The following LRRTM4 variants were observed in gnomAD, a reference collection of about 807,000 sequenced individuals.
LRRTM4 encodes leucine-rich repeat transmembrane neuronal protein 4.
Under a neutral mutation model 47.6 loss-of-function variants are expected in LRRTM4, and 25 were observed. That is an observed-to-expected ratio of 0.53 (90% CI 0.38 to 0.73). LRRTM4 has a LOEUF of 0.73. LRRTM4 is among the 30% of genes least tolerant of loss of function. LRRTM4 has a pLI of 0.00. For missense variants in LRRTM4, 638 were observed against 713.4 expected, an observed-to-expected ratio of 0.89 and a Z score of 1.20; for synonymous variants, 311 against 269.5, an observed-to-expected ratio of 1.15 and a Z score of -1.51.
At chr2:77,279,553 T>C (rs1676452190) in intron 3 of LRRTM4, among the ~76,000 whole-genome samples, 1 of 151,976 alleles carries the variant, frequency 6.6e-6, no homozygotes, top group Non-Finnish European at 1.5e-5. Flanking sequence ...TTTCTTATTC[T>C]AGGTATTATA....
At chr2:77,394,738 G>A (rs938695766) in intron 3 of LRRTM4, among the ~76,000 whole-genome samples, 2 of 152,000 alleles carry the variant, frequency 1.3e-5, no homozygotes, top group Non-Finnish European at 2.9e-5. Flanking sequence ...GAGACTTAAT[G>A]TTTAAATATA....
At chr2:76,999,091 G>A (rs1278270033) in intron 3 of LRRTM4, among the ~76,000 whole-genome samples, 1 of 151,996 alleles carries the variant, frequency 6.6e-6, no homozygotes, top group Non-Finnish European at 1.5e-5. Flanking sequence ...CTGTTGTTGT[G>A]TGTGTGTTGG....
chr2:76,802,024 G>C (rs777854265), intron 3 of LRRTM4, among the ~76,000 whole-genome samples: 3 of 152,012 alleles, frequency 2.0e-5, no homozygotes, highest in Admixed American at 6.6e-5. Context: ...CATATTCAAC[G>C]GTGAAAAGTG....
intron 3 of LRRTM4, among the ~76,000 whole-genome samples, chr2:77,014,768 T>C (rs931432656): frequency 6.6e-6 from 1 of 152,054 alleles, no homozygotes; most frequent in East Asian, 1.9e-4. Flanking sequence ...GTGGAGATTG[T>C]GCCACTGTAC....
chr2:77,343,090 T>A (rs1308086453), intron 3 of LRRTM4, among the ~76,000 whole-genome samples: 6 of 151,984 alleles, frequency 3.9e-5, no homozygotes, highest in African/African-American at 1.4e-4. Flanking sequence ...CAGTCATCAT[T>A]GAAGCCACTT....
At position 76,966,126 on chromosome 2, in the gene LRRTM4, A is replaced by T. The variant is rs1212828986; in HGVS notation, c.1552-217210T>A. ...AAGCATAGGCTATAATTCCCAAACC[A>T]ACTCCCCTAACAGGTTTTATAGTAA... is the stretch of plus-strand genomic sequence containing the variant. On this transcript the variant is annotated intron_variant, in intron 3 of 3. Transcript: ENST00000409884. Among the ~76,000 whole-genome samples, 5 of 151,580 alleles carry T rather than the reference A, an allele frequency of 3.3e-5. No individual in the cohort carries two copies. The East Asian group carries it at 9.7e-4, about 30-fold the overall frequency.
At chr2:77,247,907 A>T (rs1675492690) in intron 3 of LRRTM4, among the ~76,000 whole-genome samples, 1 of 150,892 alleles carries the variant, frequency 6.6e-6, no homozygotes, top group African/African-American at 2.4e-5. Context: ...TATATTAATG[A>T]TGTTTAATAA....
chr2:77,339,890 G>T (rs914775843), intron 3 of LRRTM4, among the ~76,000 whole-genome samples: 1 of 151,878 alleles, frequency 6.6e-6, no homozygotes, highest in Admixed American at 6.6e-5. Context: ...CCTCTGCAAT[G>T]CATGTTGCTT....
At chr2:76,749,178 A>G (rs1409296186) in intron 3 of LRRTM4, among the ~76,000 whole-genome samples, 1 of 152,182 alleles carries the variant, frequency 6.6e-6, no homozygotes, top group Non-Finnish European at 1.5e-5. Context: ...AGCCATTGCA[A>G]TAACAGAAAG....
At chr2:77,130,920 C>T (rs1303340316) in intron 3 of LRRTM4, among the ~76,000 whole-genome samples, 4 of 131,392 alleles carry the variant, frequency 3.0e-5, no homozygotes, top group Non-Finnish European at 4.7e-5. Context: ...CTGCAAGCTC[C>T]GCCTCCCGGG....
intron 3 of LRRTM4, among the ~76,000 whole-genome samples, chr2:77,311,083 T>C (rs1254940363): frequency 6.6e-6 from 1 of 152,114 alleles, no homozygotes; most frequent in Non-Finnish European, 1.5e-5. Flanking sequence ...TCATTTGACC[T>C]AAAATAGACT....
intron 3 of LRRTM4, among the ~76,000 whole-genome samples, chr2:77,104,651 G>C (rs1671044167): frequency 3.3e-5 from 5 of 152,162 alleles, no homozygotes; most frequent in Admixed American, 3.3e-4. Flanking sequence ...AGATCCGACA[G>C]ACCTGAATAT....
intron 3 of LRRTM4, among the ~76,000 whole-genome samples, chr2:76,996,676 G>C (rs1169540999): frequency 6.6e-6 from 1 of 152,020 alleles, no homozygotes; most frequent in Non-Finnish European, 1.5e-5. Context: ...TAGGATGTTG[G>C]GAGGAAAATA....
At chr2:76,908,524 A>T (rs1194421843) in intron 3 of LRRTM4, among the ~76,000 whole-genome samples, 1 of 152,002 alleles carries the variant, frequency 6.6e-6, no homozygotes, top group Non-Finnish European at 1.5e-5. Flanking sequence ...AATAAAGGGT[A>T]TTCAATTAAG....
At chr2:76,794,304 G>T (rs1675140062) in intron 3 of LRRTM4, among the ~76,000 whole-genome samples, 1 of 152,168 alleles carries the variant, frequency 6.6e-6, no homozygotes, top group Non-Finnish European at 1.5e-5. Flanking sequence ...ACAAATATCT[G>T]CATTAGTATG....
chr2:77,023,723 C>A (rs1678353980), intron 3 of LRRTM4, among the ~76,000 whole-genome samples: 2 of 152,116 alleles, frequency 1.3e-5, no homozygotes, highest in Admixed American at 6.6e-5. Context: ...GCCACCTCAA[C>A]CAGCATTTTG....
At chr2:77,514,178 G>A (rs1233133603) in intron 3 of LRRTM4, among the ~76,000 whole-genome samples, 3 of 151,876 alleles carry the variant, frequency 2.0e-5, no homozygotes, top group South Asian at 4.2e-4. Context: ...CCATGACACA[G>A]TTGTAGTCAG....
intron 3 of LRRTM4, among the ~76,000 whole-genome samples, chr2:76,797,392 A>ATACTT (rs1172911913): frequency 2.6e-5 from 4 of 152,134 alleles, no homozygotes; most frequent in East Asian, 1.9e-4. Flanking sequence ...GAGAAATGAA[A>ATACTT]TACTTTACAG....
intron 3 of LRRTM4, among the ~76,000 whole-genome samples, chr2:76,779,158 G>T (rs1014065978): frequency 9.2e-5 from 14 of 152,116 alleles, no homozygotes; most frequent in South Asian, 2.1e-4. Context: ...TTTTACATTT[G>T]CTGAGGAGAG....
Sources: gnomAD v4.1 joint callset for allele counts (sites outside exome capture counted in the v4.1 genomes callset) on GRCh38, gnomAD v4.1.1 for gene constraint, MANE v1.5 for transcripts, NCBI Gene and HGNC (gene_info 2026-07-23, HGNC 2026-07-21) for gene names.